Variants in STIMATE observed in about 807,000 individuals in gnomAD.
The protein encoded by STIMATE is store-operated calcium entry regulator STIMATE.
A neutral mutation model predicts 36.7 loss-of-function variants in STIMATE; 15 were observed. That is an observed-to-expected ratio of 0.41 (90% CI 0.27 to 0.63). The LOEUF is 0.63. Ranked by LOEUF, STIMATE falls within the 20% of genes least tolerant of loss-of-function variation. The pLI is 0.32. For missense variants in STIMATE, 305 were observed against 397.3 expected, an observed-to-expected ratio of 0.77 and a Z score of 1.98; for synonymous variants, 163 against 162.3, an observed-to-expected ratio of 1.00 and a Z score of -0.03.
At chr3:52,893,596 C>A (rs574288188) in intron 1 of STIMATE, among the ~76,000 whole-genome samples, 1 of 152,136 alleles carries the variant, frequency 6.6e-6, no homozygotes, top group African/African-American at 2.4e-5. Context: ...CGGTTTACCA[C>A]GGAGAAAACC....
chr3:52,894,512 T>C (rs1031105132), intron 1 of STIMATE, among the ~76,000 whole-genome samples: 4 of 152,146 alleles, frequency 2.6e-5, no homozygotes, highest in Admixed American at 2.6e-4. Flanking sequence ...TTAATATATA[T>C]AAGTAATCTT....
intron 1 of STIMATE, among the ~76,000 whole-genome samples, chr3:52,871,619 TTCAC>T (rs965375174): frequency 3.3e-5 from 5 of 152,076 alleles, no homozygotes; most frequent in Non-Finnish European, 5.9e-5. Context: ...GGGATTATTA[TTCAC>T]TCACTCACTC....
At chr3:52,878,525 T>C (rs2106714759) in intron 1 of STIMATE, among the ~76,000 whole-genome samples, 1 of 152,316 alleles carries the variant, frequency 6.6e-6, no homozygotes, top group East Asian at 1.9e-4. Flanking sequence ...CTAGGAACCC[T>C]ATGGTCCTGG....
intron 4 of STIMATE, chr3:52,847,999 C>T (rs886358032): frequency 1.2e-4 from 19 of 161,738 alleles, no homozygotes; most frequent in African/African-American, 4.6e-4. Context: ...TTCCCAGAGG[C>T]TCCAGAAGCC....
chr3:52,858,927 G>C (rs1701154319), intron 1 of STIMATE, among the ~76,000 whole-genome samples: 1 of 152,132 alleles, frequency 6.6e-6, no homozygotes, highest in Admixed American at 6.6e-5. Context: ...GGGAGGCCGA[G>C]GTGGGCAGAT....
chr3:52,868,361 G>A (rs1701347171), intron 1 of STIMATE, among the ~76,000 whole-genome samples: 1 of 152,198 alleles, frequency 6.6e-6, no homozygotes, highest in Non-Finnish European at 1.5e-5. Flanking sequence ...TCTAAATCCA[G>A]GTCAGGCCAC....
rs1029115455 is a variant in STIMATE at position 52,840,336 on chromosome 3, T to A, written c.*158A>T. 1.8e-5 allele frequency: 15 copies of A among 841,456 alleles called. No homozygotes were observed. Among genetic ancestry groups the A allele is most frequent in the Non-Finnish European group, 2.7e-5 (15 of 559,132 alleles). The allele number at this position is 841,456 out of a possible 1,614,324, so 52.1% of individuals were successfully genotyped here. On this transcript the variant is annotated 3_prime_UTR_variant, in exon 8 of 8. Coordinates refer to ENST00000355083, the MANE Select transcript of STIMATE (RefSeq NM_198563.5). Reference sequence around the variant, plus strand: ...CTGGCTCCTCTTCCCTCTTTTTAAGTCACAGTAGTCTGGGGGCAGGCGAGA... The same window carrying A: ...CTGGCTCCTCTTCCCTCTTTTTAAGACACAGTAGTCTGGGGGCAGGCGAGA...
chr3:52,888,397 C>A (rs987972661), intron 1 of STIMATE, among the ~76,000 whole-genome samples: 3 of 152,166 alleles, frequency 2.0e-5, no homozygotes, highest in African/African-American at 7.2e-5. Flanking sequence ...TGCAGAGAGC[C>A]CTGCTCGATG....
In STIMATE at chr3:52,849,873, G is replaced by C; in HGVS notation, c.346C>G (p.Leu116Val). 6.2e-7 allele frequency: 1 copy of C among 1,613,838 alleles called. No homozygotes were observed. Among genetic ancestry groups the C allele is most frequent in the East Asian group, 2.2e-5 (1 of 44,864 alleles). The change falls in exon 4 of 8, where the codon CTG becomes GTG. Residue 116 changes from leucine (L) to valine (V), a missense_variant. Around this residue, in one of 3 missense-constraint regions of STIMATE, gnomAD observed 164 missense variants for 257.9 expected, o/e 0.64. Coordinates refer to ENST00000355083, the MANE Select transcript of STIMATE (RefSeq NM_198563.5). Reference protein sequence around the residue: ...NFLLDATVGMLLIYVGVRAVS... With the variant: ...NFLLDATVGMVLIYVGVRAVS... ...GCGCGCACCCCCACGTAGATGAGCA[G>C]CATGCCCACAGTGGCGTCCAGGAGG...
intron 1 of STIMATE, among the ~76,000 whole-genome samples, chr3:52,883,449 G>C (rs1290702480): frequency 1.3e-5 from 2 of 152,234 alleles, no homozygotes; most frequent in Admixed American, 6.5e-5. Flanking sequence ...TCTTGCCTGG[G>C]GTTCATCAAG....
chr3:52,853,268 T>C (rs1211815443), intron 2 of STIMATE, among the ~76,000 whole-genome samples: 1 of 152,226 alleles, frequency 6.6e-6, no homozygotes, highest in Non-Finnish European at 1.5e-5. Context: ...GACACAGCTA[T>C]TCCAATCATA....
At chr3:52,893,513 T>A (rs1701815517) in intron 1 of STIMATE, among the ~76,000 whole-genome samples, 1 of 152,056 alleles carries the variant, frequency 6.6e-6, no homozygotes, top group African/African-American at 2.4e-5. Context: ...AAAACCAGGA[T>A]GGGGTGGGGA....
chr3:52,881,236 A>G lies in STIMATE; in HGVS notation c.160+16055T>C, dbSNP rs534712547. On this transcript the variant is annotated intron_variant, in intron 1 of 7. Transcript: ENST00000355083. ...AAAAAAAAAAATGTAAACGGTGACA[A>G]TCAGGTAGGCTTGCTAAGGGTAAGG... is the stretch of plus-strand genomic sequence containing the variant. Among the ~76,000 whole-genome samples, 4 of 152,166 alleles carry G rather than the reference A, an allele frequency of 2.6e-5. 1 individual carries two copies. In the South Asian group the frequency reaches 8.3e-4, roughly 32 times the overall value.
At position 52,845,441 on chromosome 3, in the gene STIMATE, C is replaced by T. The variant is rs546867268; in HGVS notation, c.428-500G>A. Reference sequence around the variant, plus strand: ...CACCTCCCATCCCTTACCCAACTCCCCGGGCCATCCCTGATACCTCAGCCT... The same window carrying T: ...CACCTCCCATCCCTTACCCAACTCCTCGGGCCATCCCTGATACCTCAGCCT... On this transcript the variant is annotated intron_variant, in intron 4 of 7. Coordinates refer to ENST00000355083, the MANE Select transcript of STIMATE (RefSeq NM_198563.5). 2.0e-5 allele frequency among the ~76,000 whole-genome samples: 3 copies of T among 152,316 alleles called. No homozygotes were observed. In the South Asian group the frequency reaches 6.2e-4, roughly 32 times the overall value.
intron 1 of STIMATE, among the ~76,000 whole-genome samples, chr3:52,875,313 TAGA>T (rs1237479968): frequency 2.6e-5 from 4 of 152,162 alleles, no homozygotes; most frequent in African/African-American, 4.8e-5. Context: ...GTCAAATTCT[TAGA>T]AGAAGGCATG....
At chr3:52,879,031 A>G (rs1159787013) in intron 1 of STIMATE, among the ~76,000 whole-genome samples, 1 of 152,196 alleles carries the variant, frequency 6.6e-6, no homozygotes, top group Non-Finnish European at 1.5e-5. Flanking sequence ...TTTACCTTAG[A>G]ATTTTATTGA....
At chr3:52,867,623 T>C (rs533342181) in intron 1 of STIMATE, among the ~76,000 whole-genome samples, 95 of 152,370 alleles carry the variant, frequency 6.2e-4, no homozygotes, top group Non-Finnish European at 1.2e-3. Context: ...TTTCTCAAGC[T>C]GTCTCACGGG....
intron 1 of STIMATE, among the ~76,000 whole-genome samples, chr3:52,888,375 A>C (rs1381897688): frequency 1.3e-5 from 2 of 152,222 alleles, no homozygotes; most frequent in Admixed American, 1.3e-4. Context: ...GACTGGATGC[A>C]CATAAACTGA....
intron 1 of STIMATE, among the ~76,000 whole-genome samples, chr3:52,857,385 T>C (rs991887649): frequency 2.0e-5 from 3 of 152,098 alleles, no homozygotes; most frequent in African/African-American, 7.2e-5. Context: ...CCCCTTCCCT[T>C]AAGCATGCCA....
Sources: gnomAD v4.1 joint callset for allele counts (sites outside exome capture counted in the v4.1 genomes callset) on GRCh38, gnomAD v4.1.1 for gene constraint, gnomAD v4.1.1 regional missense constraint, MANE v1.5 for transcripts, NCBI Gene and HGNC (gene_info 2026-07-23, HGNC 2026-07-21) for gene names.